NLK: variants seen among roughly 807,000 people sequenced by gnomAD.
NLK encodes serine/threonine-protein kinase NLK.
In NLK, 11 loss-of-function variants were observed where a neutral mutation model predicts 59.0. The observed-to-expected ratio is 0.19, with a 90% confidence interval of 0.12 to 0.31. The LOEUF is 0.31. Ranked by LOEUF, NLK falls within the 10% of genes least tolerant of loss-of-function variation. The pLI, the probability that NLK is intolerant of heterozygous loss-of-function variation, is 1.00. For missense variants in NLK, 410 were observed against 661.1 expected (o/e 0.62, Z 4.16); for synonymous variants, 235 against 235.9 (o/e 1.00, Z 0.03).
chr17:28,186,059 C>G (rs1909103763), intron 8 of NLK, among the ~76,000 whole-genome samples: 1 of 152,050 alleles, frequency 6.6e-6, no homozygotes, highest in Non-Finnish European at 1.5e-5. Flanking sequence ...TAACTATTGT[C>G]AAAGAAGACT....
intron 1 of NLK, among the ~76,000 whole-genome samples, chr17:28,074,259 T>G (rs180856566): frequency 1.2e-4 from 18 of 152,178 alleles, no homozygotes; most frequent in Non-Finnish European, 2.1e-4. Context: ...CGGGATGATC[T>G]GTGCCACAAA....
chr17:28,132,252 C>T (rs1350211506), intron 2 of NLK, among the ~76,000 whole-genome samples: 2 of 152,164 alleles, frequency 1.3e-5, no homozygotes, highest in African/African-American at 4.8e-5. Flanking sequence ...GTAGAATGCA[C>T]ATAGTAAAGA....
intron 3 of NLK, among the ~76,000 whole-genome samples, chr17:28,140,158 A>G (rs191374537): frequency 1.3e-5 from 2 of 152,248 alleles, no homozygotes; most frequent in East Asian, 3.9e-4. Flanking sequence ...AGAAATAATG[A>G]GAAATTAAGC....
intron 1 of NLK, among the ~76,000 whole-genome samples, chr17:28,120,440 A>G (rs1482724555): frequency 6.6e-6 from 1 of 152,054 alleles, no homozygotes; most frequent in Non-Finnish European, 1.5e-5. Flanking sequence ...ACAGTCATGA[A>G]TGTTAGGTCT....
At chr17:28,201,211 G>T (rs1321277578), downstream of NLK, among the ~76,000 whole-genome samples, 1 of 152,028 alleles carries the variant, frequency 6.6e-6, no homozygotes, top group Non-Finnish European at 1.5e-5. Context: ...CTCCCGAGCA[G>T]CTGGGATTAC....
chr17:28,118,279 A>G (rs1427335900), intron 1 of NLK, among the ~76,000 whole-genome samples: 1 of 152,216 alleles, frequency 6.6e-6, no homozygotes, highest in Non-Finnish European at 1.5e-5. Context: ...GTATAGCAAG[A>G]AATGGAGGAT....
Position 28,172,545 on chromosome 17 carries a change from C to T in NLK, c.1076C>T (p.Thr359Ile). 1 of 1,593,156 alleles carries T rather than the reference C, an allele frequency of 6.3e-7. No homozygotes were observed. Among genetic ancestry groups the T allele is most frequent in the Non-Finnish European group, 8.5e-7 (1 of 1,170,560 alleles). ...GATTTGATCACGGATCTGTTGGGCA[C>T]ACCATCACTGGAAGCAATGAGGACA... is the stretch of plus-strand genomic sequence containing the variant. ...QLDLITDLLG[T>I]PSLEAMRTAC... Residue 359 changes from threonine (T) to isoleucine (I), a missense_variant, in exon 7 of 11, where the codon ACA becomes ATA. By Grantham distance (89) the Thr-to-Ile change is moderately conservative (BLOSUM62 -1). This residue lies in a region of NLK where 150 missense variants were observed against 244.3 expected (regional missense o/e 0.61). Transcript: ENST00000407008.
intron 3 of NLK, among the ~76,000 whole-genome samples, chr17:28,153,646 T>G (rs1907579932): frequency 6.6e-6 from 1 of 152,220 alleles, no homozygotes; most frequent in Non-Finnish European, 1.5e-5. Flanking sequence ...AAACGCTTAA[T>G]GCAGGGATGG....
chr17:28,172,586 A>G lies in NLK; in HGVS notation c.1117A>G (p.Lys373Glu). 6.3e-7 allele frequency: 1 copy of G among 1,591,992 alleles called. No homozygotes were observed. Among genetic ancestry groups the G allele is most frequent in the Non-Finnish European group, 8.5e-7 (1 of 1,169,836 alleles). Residue 373 changes from lysine to glutamate, a missense_variant, in exon 7 of 11, where the codon AAG becomes GAG. By Grantham distance (56) the Lys-to-Glu change is moderately conservative. Transcript: ENST00000407008. ...EAMRTACEGA[K>E]AHILRGPHKQ... ...AATGAGGACAGCTTGTGAAGGCGCT[A>G]AGGCACATATACTCAGGGGTCCTCA...
intron 1 of NLK, among the ~76,000 whole-genome samples, chr17:28,098,725 C>T (rs1904795298): frequency 1.4e-5 from 2 of 145,240 alleles, no homozygotes; most frequent in African/African-American, 5.2e-5. Context: ...TCTTGTTGCC[C>T]AGGCTGGAGT....
chr17:28,061,760 A>G (rs1909645913), intron 1 of NLK, among the ~76,000 whole-genome samples: 2 of 146,222 alleles, frequency 1.4e-5, no homozygotes, highest in Non-Finnish European at 3.0e-5. Context: ...ACATATATAC[A>G]CATATACATA....
intron 2 of NLK, among the ~76,000 whole-genome samples, chr17:28,130,670 C>T (rs975515202): frequency 1.2e-4 from 19 of 152,098 alleles, no homozygotes; most frequent in African/African-American, 3.6e-4. Flanking sequence ...GTATAATGGA[C>T]GCTGTCACTC....
At chr17:28,152,993 GCC>G (rs1201912190) in intron 3 of NLK, among the ~76,000 whole-genome samples, 1 of 150,930 alleles carries the variant, frequency 6.6e-6, no homozygotes, top group Non-Finnish European at 1.5e-5. Flanking sequence ...TCAAGTTTCG[GCC>G]AGGCACAGTG....
At chr17:28,079,160 G>C (rs903566109) in intron 1 of NLK, among the ~76,000 whole-genome samples, 17 of 152,140 alleles carry the variant, frequency 1.1e-4, no homozygotes, top group Admixed American at 1.1e-3. Context: ...ATTTCACTTA[G>C]CATGACATGC....
intron 3 of NLK, among the ~76,000 whole-genome samples, chr17:28,137,977 G>T (rs1906829966): frequency 6.6e-6 from 1 of 152,018 alleles, no homozygotes; most frequent in African/African-American, 2.4e-5. Flanking sequence ...AGCTTTTAAA[G>T]GATTACATTT....
intron 3 of NLK, among the ~76,000 whole-genome samples, chr17:28,137,894 A>T (rs1021357388): frequency 1.1e-4 from 17 of 152,024 alleles, no homozygotes; most frequent in Non-Finnish European, 5.9e-5. Context: ...TTTTGTCTTC[A>T]TAGTTTTTAA....
intron 3 of NLK, among the ~76,000 whole-genome samples, chr17:28,157,967 G>C (rs1056262795): frequency 6.6e-6 from 1 of 152,184 alleles, no homozygotes; most frequent in Non-Finnish European, 1.5e-5. Context: ...GGATAAATTT[G>C]TGAACAAAGC....
chr17:28,132,773 C>T, intron 3 of NLK, 98 bp downstream of exon 3: 1 of 1,017,412 alleles, frequency 9.8e-7, no homozygotes, highest in Non-Finnish European at 1.5e-6. Flanking sequence ...TATTTTAAAT[C>T]TCATCCTTGC....
intron 1 of NLK, among the ~76,000 whole-genome samples, chr17:28,107,818 A>G (rs1216824385): frequency 6.6e-6 from 1 of 152,218 alleles, no homozygotes; most frequent in Non-Finnish European, 1.5e-5. Context: ...AAGGATACAA[A>G]GAGACATATA....
Sources: gnomAD v4.1 joint callset for allele counts (sites outside exome capture counted in the v4.1 genomes callset) on GRCh38, gnomAD v4.1.1 for gene constraint, gnomAD v4.1.1 regional missense constraint, MANE v1.5 for transcripts, NCBI Gene and HGNC (gene_info 2026-07-23, HGNC 2026-07-21) for gene names.